The following GINS1 variants were observed in gnomAD, a reference collection of about 807,000 sequenced individuals.
The protein encoded by GINS1 is DNA replication complex GINS protein PSF1.
GINS1 carries 26 observed loss-of-function variants against 34.9 expected under a neutral mutation model. The ratio of observed to expected loss-of-function variants is 0.74; its 90% CI spans 0.55 to 1.03. GINS1 has a LOEUF of 1.03. Among genes scored for constraint, GINS1 ranks in the 50% least tolerant of loss-of-function variants. The pLI is 0.00. For missense variants in GINS1, 235 were observed against 237.9 expected (o/e 0.99, Z 0.08); for synonymous variants, 97 against 84.4 (o/e 1.15, Z -0.82).
At chr20:25,408,469 T>C (rs535661390) in intron 1 of GINS1, among the ~76,000 whole-genome samples, 1 of 152,280 alleles carries the variant, frequency 6.6e-6, no homozygotes, top group East Asian at 1.9e-4. Context: ...GCTGCTGCTG[T>C]TACTATTAAT....
chr20:25,418,946 C>T (rs1373102215), intron 4 of GINS1, among the ~76,000 whole-genome samples: 2 of 152,202 alleles, frequency 1.3e-5, no homozygotes, highest in Admixed American at 6.5e-5. Flanking sequence ...TAGCCAGTCC[C>T]AACTCTGAGT....
chr20:25,413,144 G>T (rs532561033), intron 1 of GINS1, among the ~76,000 whole-genome samples: 1 of 151,148 alleles, frequency 6.6e-6, no homozygotes, highest in Non-Finnish European at 1.5e-5. Context: ...ATTGCAACCC[G>T]GGTTCAAGCG....
At chr20:25,427,762 G>A (rs2090399924) in intron 5 of GINS1, among the ~76,000 whole-genome samples, 1 of 150,764 alleles carries the variant, frequency 6.6e-6, no homozygotes, top group African/African-American at 2.4e-5. Context: ...CCATTCTCTG[G>A]GTTGCCTTTT....
intron 2 of GINS1, among the ~76,000 whole-genome samples, chr20:25,415,617 G>A (rs1156656511): frequency 6.6e-6 from 1 of 151,538 alleles, no homozygotes; most frequent in African/African-American, 2.4e-5. Context: ...CCTGGGAGGC[G>A]GAGGTTGTGG....
chr20:25,445,602 C>T (rs1303222701), intron 6 of GINS1, among the ~76,000 whole-genome samples: 1 of 152,168 alleles, frequency 6.6e-6, no homozygotes, highest in Non-Finnish European at 1.5e-5. Context: ...CCGCCTCGGC[C>T]TCCCAAAGTG....
Position 25,439,854 on chromosome 20 carries a change from G to A in GINS1, c.448-1848G>A, listed in dbSNP as rs577761212. On this transcript the variant is annotated intron_variant, in intron 5 of 6. Coordinates refer to ENST00000262460, the MANE Select transcript of GINS1 (RefSeq NM_021067.5). ...CTAAAAATACAAAAAAATTAGTTGG[G>A]CGTGGTGGCTCCCTCCTGTAATCCC... Among the ~76,000 whole-genome samples, 3 of 151,948 alleles carry A rather than the reference G, an allele frequency of 2.0e-5. No individual in the cohort carries two copies. The South Asian group carries it at 6.3e-4, about 32-fold the overall frequency.
rs1457487933 is a variant in GINS1 at position 25,413,819 on chromosome 20, G to A, written c.105G>A (p.Glu35=). 1.3e-6 allele frequency: 2 copies of A among 1,586,970 alleles called. No individual in the cohort carries two copies. Among genetic ancestry groups the A allele is most frequent in the Non-Finnish European group, 1.7e-6 (2 of 1,155,182 alleles). ...ATGGACTCAGACAAGTTCTGGAGGA[G>A]ATGAAAGCTTTGTATGAACAAAACC... is the stretch of plus-strand genomic sequence containing the variant. ...NEDGLRQVLE[E]MKALYEQNQS... The change falls in exon 2 of 7, where the codon GAG becomes GAA. Residue 35 remains glutamate (E), a synonymous_variant. Transcript: ENST00000262460.
chr20:25,420,670 G>A (rs1291211874), intron 4 of GINS1, among the ~76,000 whole-genome samples: 1 of 151,690 alleles, frequency 6.6e-6, no homozygotes, highest in Non-Finnish European at 1.5e-5. Context: ...ATCCCAGCTG[G>A]TCAGGGAGGC....
chr20:25,421,543 A>G (rs1400327190), intron 4 of GINS1, among the ~76,000 whole-genome samples: 3 of 152,190 alleles, frequency 2.0e-5, no homozygotes, highest in Non-Finnish European at 4.4e-5. Flanking sequence ...TTTTCAAAGT[A>G]GTAACATCTT....
chr20:25,438,351 C>T (rs1272740465), intron 5 of GINS1, among the ~76,000 whole-genome samples: 14 of 152,052 alleles, frequency 9.2e-5, no homozygotes, highest in Admixed American at 5.2e-4. Context: ...GTGTCAAGGA[C>T]TAAGCGGGGA....
At chr20:25,437,023 T>G (rs1043304546) in intron 5 of GINS1, among the ~76,000 whole-genome samples, 3 of 152,252 alleles carry the variant, frequency 2.0e-5, no homozygotes, top group African/African-American at 4.8e-5. Context: ...AGAATCAACC[T>G]GAGGTATAAC....
chr20:25,412,290 A>G (rs1474619326), intron 1 of GINS1, among the ~76,000 whole-genome samples: 2 of 152,098 alleles, frequency 1.3e-5, no homozygotes, highest in African/African-American at 4.8e-5. Context: ...CCAGTGGCTC[A>G]TCCCTGTAAT....
At chr20:25,445,538 G>A (rs138150726) in intron 6 of GINS1, among the ~76,000 whole-genome samples, 2,004 of 152,192 alleles carry the variant, frequency 0.013, 43 homozygotes, top group African/African-American at 0.042. Flanking sequence ...TAGTAGAGAC[G>A]GGGTTTCACC....
intron 4 of GINS1, chr20:25,420,736 C>T (rs1187709126): frequency 2.1e-5 from 7 of 329,066 alleles, no homozygotes; most frequent in Middle Eastern, 1.5e-3. Context: ...GAGCTGAGAT[C>T]GCACCACTGC....
intron 6 of GINS1, among the ~76,000 whole-genome samples, chr20:25,442,842 G>A (rs181015590): frequency 6.6e-6 from 1 of 152,066 alleles, no homozygotes; most frequent in Non-Finnish European, 1.5e-5. Flanking sequence ...CTGAGCTCAA[G>A]CAATCCACCC....
intron 5 of GINS1, among the ~76,000 whole-genome samples, chr20:25,441,492 A>G (rs2146223636): frequency 6.6e-6 from 1 of 152,276 alleles, no homozygotes; most frequent in Middle Eastern, 3.4e-3. Flanking sequence ...GACATTTACT[A>G]GCAGAGATTT....
intron 4 of GINS1, chr20:25,419,611 T>G: frequency 1.2e-6 from 1 of 821,986 alleles, no homozygotes. Context: ...ACATTATGTT[T>G]CTCTAACGAC....
intron 3 of GINS1, 78 bp downstream of exon 3, chr20:25,417,280 T>C: frequency 1.4e-6 from 1 of 738,132 alleles, no homozygotes; most frequent in East Asian, 2.6e-5. Flanking sequence ...ATGGGTAACA[T>C]GAAATCTTAG....
chr20:25,411,493 A>G (rs908303203), intron 1 of GINS1, among the ~76,000 whole-genome samples: 25 of 152,290 alleles, frequency 1.6e-4, no homozygotes, highest in Admixed American at 1.0e-3. Context: ...TGGCAGACCT[A>G]TTGGGTAACA....
Sources: allele counts gnomAD v4.1 joint callset (sites outside exome capture counted in the v4.1 genomes callset), GRCh38; gene constraint gnomAD v4.1.1; transcripts MANE v1.5; gene names NCBI Gene and HGNC (gene_info 2026-07-23, HGNC 2026-07-21).